The following TTBK1 variants were observed in gnomAD, a reference collection of about 807,000 sequenced individuals.
TTBK1 encodes the protein tau tubulin kinase 1.
Under a neutral mutation model 108.5 loss-of-function variants are expected in TTBK1, and 34 were observed. The observed-to-expected ratio is 0.31, with a 90% confidence interval of 0.24 to 0.42. The LOEUF (loss-of-function observed/expected upper bound fraction) is 0.42, where lower values mean the gene tolerates loss of function less well. Among genes scored for constraint, TTBK1 ranks in the 10% least tolerant of loss-of-function variants. The pLI is 1.00. For synonymous variants in TTBK1, 809 were observed against 795.1 expected (o/e 1.02, Z -0.29); for missense variants, 1,539 against 1,826.0 (o/e 0.84, Z 2.86).
chr6:43,245,724 T>C (rs1461392973), intron 1 of TTBK1, among the ~76,000 whole-genome samples: 1 of 152,190 alleles, frequency 6.6e-6, no homozygotes, highest in Non-Finnish European at 1.5e-5. Flanking sequence ...CGAGGAGAGA[T>C]GTGTTCTTTC....
Position 43,284,093 on chromosome 6 carries a change from G to A in TTBK1, c.3353G>A (p.Arg1118His), listed in dbSNP as rs200164651. The change falls in exon 14 of 15, where the codon CGC (arginine) becomes CAC (histidine). Residue 1118 changes from arginine (R) to histidine (H), a missense_variant. Transcript: ENST00000259750. ...TCGTCCTCCTCCAGTGAGGAGCAGC[G>A]CCGTGCCTCTGAGACCCTCTCAGGC... ...GASSSSSEEQ[R>H]RASETLSGTG... 9.1e-6 allele frequency: 14 copies of A among 1,539,972 alleles called. No individual in the cohort carries two copies. Among genetic ancestry groups the A allele is most frequent in the South Asian group, 2.4e-5 (2 of 84,548 alleles).
Position 43,285,476 on chromosome 6 carries a change from C to A in TTBK1, c.*100C>A. ...TCCCAGCACAGCCTTACGCGCCCGACGCGCGCCACCCGCGGCCCCAGCTTT... is the reference window on the plus strand; with the variant it reads ...TCCCAGCACAGCCTTACGCGCCCGAAGCGCGCCACCCGCGGCCCCAGCTTT... On this transcript the variant is annotated 3_prime_UTR_variant, in exon 15 of 15. Coordinates refer to ENST00000259750, the MANE Select transcript of TTBK1 (RefSeq NM_032538.3). The surrounding 1 kb of genome is among the most constrained non-coding windows in gnomAD (Gnocchi z 4.7). The A allele has an allele frequency of 8.2e-7, 1 of 1,221,634 alleles. No homozygotes were observed. Among genetic ancestry groups the A allele is most frequent in the Non-Finnish European group, 1.0e-6 (1 of 981,258 alleles). 75.7% of individuals were successfully genotyped at this position (1,221,634 alleles called of 1,614,324 possible).
chr6:43,254,945 C>T, intron 6 of TTBK1, 104 bp from the exon 7 acceptor site: 1 of 1,173,200 alleles, frequency 8.5e-7, no homozygotes, highest in Non-Finnish European at 1.3e-6. Context: ...CCTCCCCAGC[C>T]AGGGGAGGTG....
chr6:43,276,839 C>T lies in TTBK1; in HGVS notation c.1987-5888C>T, dbSNP rs1328861044. ...TGGATGAGCTTCGTCCACACCTTAG[C>T]CAGGCAGCTGGGTGAGGAGGGCACC... On this transcript the variant is annotated intron_variant, in intron 13 of 14. Transcript: ENST00000259750. This position sits in a 1 kb window ranked among gnomAD's most constrained non-coding sequence, Gnocchi z 5.4. Among the ~76,000 whole-genome samples the T allele has an allele frequency of 6.6e-6, 1 of 152,110 alleles. No homozygotes were observed. The highest frequency in any genetic ancestry group is 1.5e-5 in the Non-Finnish European group (1 of 68,024).
In TTBK1 at chr6:43,283,425, C is replaced by T. The variant is rs189632499; in HGVS notation, c.2685C>T (p.Pro895=). ...TGTCCTCTGTCCTCAAGTCTGAGCCCAAGCCCCCGGGGCCTGGGGCAGGGC... is the reference window on the plus strand; with the variant it reads ...TGTCCTCTGTCCTCAAGTCTGAGCCTAAGCCCCCGGGGCCTGGGGCAGGGC... The part of the protein sequence containing the change: ...GTLSSVLKSE[P]KPPGPGAGLG... The change falls in exon 14 of 15, where the codon CCC becomes CCT. Residue 895 remains proline (P), a synonymous_variant. Transcript: ENST00000259750. This position sits in a 1 kb window ranked among gnomAD's most constrained non-coding sequence, Gnocchi z 8.1. The T allele has an allele frequency of 1.1e-5, 18 of 1,613,366 alleles. No homozygotes were observed. The African/African-American group carries it at 2.0e-4, about 18-fold the overall frequency.
intron 13 of TTBK1, chr6:43,270,802 A>G (rs910180240): frequency 3.0e-6 from 3 of 985,350 alleles, no homozygotes; most frequent in Non-Finnish European, 3.6e-6. Context: ...GTGGCAGCTA[A>G]GGTGGTTGTT....
Position 43,273,275 on chromosome 6 carries a change from T to C in TTBK1, c.1987-9452T>C, listed in dbSNP as rs373088759. ...TGATTGTCCTTTGCGGTGGGCCCCC[T>C]CCTCAGTCTATAGAAAAGAGGGGAG... is the stretch of plus-strand genomic sequence containing the variant. On this transcript the variant is annotated intron_variant, in intron 13 of 14. Transcript: ENST00000259750. This position sits in a 1 kb window ranked among gnomAD's most constrained non-coding sequence, Gnocchi z 4.2. Among the ~76,000 whole-genome samples the C allele has an allele frequency of 1.6e-4, 24 of 152,348 alleles. No individual in the cohort carries two copies. The East Asian group carries it at 2.5e-3, about 16-fold the overall frequency.
intron 13 of TTBK1, chr6:43,271,346 T>G (rs1297179119): frequency 1.0e-6 from 1 of 985,388 alleles, no homozygotes; most frequent in African/African-American, 1.7e-5. Context: ...GCTCAGGCTG[T>G]GCACTGTGTA....
At position 43,265,720 on chromosome 6, in the gene TTBK1, AG is replaced by A. The variant is rs1354490265; in HGVS notation, c.1986+2372del. ...GACTTGCACAATAGGTTGTACCCGT[AG>A]GAAGTGCAGAGTCTAGGGAGGGTGA... is the stretch of plus-strand genomic sequence containing the variant. On this transcript the variant is annotated intron_variant, in intron 13 of 14. Coordinates refer to ENST00000259750, the MANE Select transcript of TTBK1 (RefSeq NM_032538.3). The surrounding 1 kb of genome is among the most constrained non-coding windows in gnomAD (Gnocchi z 4.1). 5.9e-5 allele frequency among the ~76,000 whole-genome samples: 9 copies of A among 152,168 alleles called. No individual in the cohort carries two copies. Among genetic ancestry groups the A allele is most frequent in the African/African-American group, 2.2e-4 (9 of 41,438 alleles).
intron 13 of TTBK1, among the ~76,000 whole-genome samples, chr6:43,274,589 T>C (rs982639598): frequency 2.0e-5 from 3 of 152,086 alleles, no homozygotes; most frequent in Non-Finnish European, 4.4e-5. Flanking sequence ...CTTGGGTTGA[T>C]GTGGTACTTG....
intron 13 of TTBK1, chr6:43,270,167 G>A: frequency 7.4e-7 from 1 of 1,359,854 alleles, no homozygotes; most frequent in Admixed American, 3.6e-5. Flanking sequence ...TCCCTTTGTA[G>A]GTGCCAGCCA....
At chr6:43,254,503 C>G in intron 5 of TTBK1, 44 bp from the exon 6 acceptor site, 1 of 1,441,268 alleles carries the variant, frequency 6.9e-7, no homozygotes, top group Non-Finnish European at 9.3e-7. Context: ...GGTGGCCCAG[C>G]TGGGGTTGGG....
At chr6:43,247,035 T>C (rs750904800) in intron 2 of TTBK1, among the ~76,000 whole-genome samples, 9 of 151,968 alleles carry the variant, frequency 5.9e-5, no homozygotes, top group Non-Finnish European at 1.0e-4. Context: ...AACTCCTGGT[T>C]GGATGTCTGG....
chr6:43,281,051 T>TGG (rs1778144850), intron 13 of TTBK1, among the ~76,000 whole-genome samples: 1 of 151,822 alleles, frequency 6.6e-6, no homozygotes, highest in Non-Finnish European at 1.5e-5. Context: ...CAGGGCTGGG[T>TGG]GGGGGATTCA....
intron 2 of TTBK1, among the ~76,000 whole-genome samples, chr6:43,251,894 T>G (rs1489841608): frequency 6.6e-6 from 1 of 152,178 alleles, no homozygotes; most frequent in East Asian, 1.9e-4. Context: ...AATCCCCTTT[T>G]GCCCACATAC....
chr6:43,280,301 C>T (rs887478397), intron 13 of TTBK1, among the ~76,000 whole-genome samples: 9 of 152,286 alleles, frequency 5.9e-5, no homozygotes, highest in East Asian at 1.9e-4. Context: ...TTTCCCCACA[C>T]GCTATTCCCC....
chr6:43,277,677 A>G (rs1388850969), intron 13 of TTBK1, among the ~76,000 whole-genome samples: 1 of 152,160 alleles, frequency 6.6e-6, no homozygotes, highest in East Asian at 1.9e-4. Context: ...CTTCCCCGGC[A>G]TTCCTGGGTG....
At position 43,259,358 on chromosome 6, in the gene TTBK1, A is replaced by G. The variant is rs1777468021; in HGVS notation, c.1248+89A>G. The G allele has an allele frequency of 4.6e-6, 6 of 1,309,372 alleles. No individual in the cohort carries two copies. The highest frequency in any genetic ancestry group is 2.2e-4 in the Middle Eastern group (1 of 4,480). The allele number at this position is 1,309,372 out of a possible 1,614,324, so 81.1% of individuals were successfully genotyped here. Reference sequence around the variant, plus strand: ...TGCCCCTGCCCTGTTCCTCCTAAGCACCCTGTCCCCGGCCATCTGCCTGCT... The same window carrying G: ...TGCCCCTGCCCTGTTCCTCCTAAGCGCCCTGTCCCCGGCCATCTGCCTGCT... On this transcript the variant is annotated intron_variant, in intron 11 of 14. Transcript: ENST00000259750. The surrounding 1 kb of genome is among the most constrained non-coding windows in gnomAD (Gnocchi z 6.7).
At chr6:43,260,958 C>T (rs940053823) in intron 12 of TTBK1, among the ~76,000 whole-genome samples, 6 of 152,036 alleles carry the variant, frequency 3.9e-5, no homozygotes, top group African/African-American at 9.7e-5. Context: ...CACACACACA[C>T]GCACAAGCAC....
Sources: gnomAD v4.1 joint callset for allele counts (sites outside exome capture counted in the v4.1 genomes callset) on GRCh38, gnomAD v4.1.1 for gene constraint, Gnocchi (gnomAD v3.1) non-coding constraint, MANE v1.5 for transcripts, NCBI Gene and HGNC (gene_info 2026-07-23, HGNC 2026-07-21) for gene names.